The following BARD1 variants were observed in gnomAD, a reference collection of about 807,000 sequenced individuals.
BARD1 encodes the protein BRCA1 associated RING domain 1.
A neutral mutation model predicts 77.0 loss-of-function variants in BARD1; 73 were observed. That is an observed-to-expected ratio of 0.95 (90% CI 0.79 to 1.15). The LOEUF (loss-of-function observed/expected upper bound fraction) is 1.15. Among genes scored for constraint, BARD1 ranks in the 50% most tolerant of loss-of-function variants. The probability of loss-of-function intolerance (pLI) is 0.00; values close to 1 mark genes in which losing one functional copy is unlikely to be tolerated. For missense variants in BARD1, 993 were observed against 938.8 expected, an observed-to-expected ratio of 1.06 and a Z score of -0.75; for synonymous variants, 384 against 338.0, an observed-to-expected ratio of 1.14 and a Z score of -1.49.
intron 4 of BARD1, among the ~76,000 whole-genome samples, chr2:214,776,702 C>G (rs951560940): frequency 6.6e-6 from 1 of 152,096 alleles, no homozygotes; most frequent in Admixed American, 6.6e-5. Flanking sequence ...TGTCCACACA[C>G]GAATAATCCC....
chr2:214,789,630 C>A (rs1393761050), intron 3 of BARD1, among the ~76,000 whole-genome samples: 1 of 151,994 alleles, frequency 6.6e-6, no homozygotes, highest in African/African-American at 2.4e-5. Flanking sequence ...CAACTCAATT[C>A]AACAAACATA....
At chr2:214,791,234 A>G (rs1695497391) in intron 3 of BARD1, among the ~76,000 whole-genome samples, 1 of 152,180 alleles carries the variant, frequency 6.6e-6, no homozygotes, top group Non-Finnish European at 1.5e-5. Flanking sequence ...ATAGGTATAA[A>G]GTGATTTAAG....
In BARD1 at chr2:214,797,061, C is replaced by T. The variant is rs769820924; in HGVS notation, c.215G>A (p.Ser72Asn). ...TATACATCAAACCGTAATTACTTACCTACAGAAGATGTGCTCACATCCTCC... is the reference window on the plus strand; with the variant it reads ...TATACATCAAACCGTAATTACTTACTTACAGAAGATGTGCTCACATCCTCC... ...CLGGCEHIFC[S>N]NCVSDCIGTG... The change falls in exon 2 of 11, where the codon AGT becomes AAT. Residue 72 changes from serine to asparagine, a missense_variant and splice_region_variant. Ser to Asn is a conservative substitution (Grantham distance 46, BLOSUM62 1). Coordinates refer to ENST00000260947, the MANE Select transcript of BARD1 (RefSeq NM_000465.4). 6.2e-7 allele frequency: 1 copy of T among 1,609,588 alleles called. No individual in the cohort carries two copies. The highest frequency in any genetic ancestry group is 8.5e-7 in the Non-Finnish European group (1 of 1,176,050).
At chr2:214,740,545 A>G (rs1692775312) in intron 9 of BARD1, among the ~76,000 whole-genome samples, 1 of 152,010 alleles carries the variant, frequency 6.6e-6, no homozygotes, top group South Asian at 2.1e-4. Flanking sequence ...ATACATTTAT[A>G]TATTGTTGAA....
Position 214,726,775 on chromosome 2 carries a change from T to C in BARD1, c.*1901A>G, listed in dbSNP as rs1692100497. On this transcript the variant is annotated 3_prime_UTR_variant, in exon 11 of 11. Transcript: ENST00000260947. ...AGAGCTTAACACAAACTAACTGCTG[T>C]CAAATATTTAACAAAAGCAAAGATG... The C allele has an allele frequency of 1.3e-5, 3 of 227,584 alleles. No individual in the cohort carries two copies. The highest frequency in any genetic ancestry group is 2.6e-5 in the Non-Finnish European group (3 of 114,532). 14.1% of individuals were successfully genotyped at this position (227,584 alleles called of 1,614,324 possible).
chr2:214,787,212 C>CA (rs1237138586), intron 3 of BARD1, among the ~76,000 whole-genome samples: 2 of 151,690 alleles, frequency 1.3e-5, no homozygotes. Context: ...ATAGCAGCAA[C>CA]ATACTCAACT....
At chr2:214,745,900 T>A (rs1693092609) in intron 7 of BARD1, 46 bp from the exon 8 acceptor site, 1 of 1,603,216 alleles carries the variant, frequency 6.2e-7, no homozygotes, top group Non-Finnish European at 8.5e-7. Context: ...ATTAGACGAC[T>A]AGACAAAGAC....
At chr2:214,754,610 T>C (rs1693609146) in intron 6 of BARD1, among the ~76,000 whole-genome samples, 1 of 152,156 alleles carries the variant, frequency 6.6e-6, no homozygotes, top group Non-Finnish European at 1.5e-5. Context: ...CAGTAAAACA[T>C]GGTCTAAGCC....
At chr2:214,737,477 C>T (rs1193980833) in intron 9 of BARD1, among the ~76,000 whole-genome samples, 1 of 151,966 alleles carries the variant, frequency 6.6e-6, no homozygotes. Context: ...TTACTCAATC[C>T]GACATGCTAA....
At position 214,788,886 on chromosome 2, in the gene BARD1, C is replaced by T. The variant is rs577148672; in HGVS notation, c.364+3411G>A. Among the ~76,000 whole-genome samples, 255 of 152,078 alleles carry T rather than the reference C, an allele frequency of 1.7e-3. 1 individual carries two copies. Among genetic ancestry groups the T allele is most frequent in the African/African-American group, 5.9e-3 (245 of 41,482 alleles). ...ATAATCAATTACCACAAAGGTACTG[C>T]GTAAAATACACTGAATAGACAAACT... On this transcript the variant is annotated intron_variant, in intron 3 of 10. Coordinates refer to ENST00000260947, the MANE Select transcript of BARD1 (RefSeq NM_000465.4).
Position 214,781,008 on chromosome 2 carries a change from G to A in BARD1, c.866C>T (p.Pro289Leu), listed in dbSNP as rs748019195. ...TACTTCATTCCTGCTCTTAGTGTCTGGAGACTCTATTTGCTCAGCCAATGG... is the reference window on the plus strand; with the variant it reads ...TACTTCATTCCTGCTCTTAGTGTCTAGAGACTCTATTTGCTCAGCCAATGG... ...SLPLAEQIES[P>L]DTKSRNEVVT... The change falls in exon 4 of 11, where the codon CCA (proline) becomes CTA (leucine). Residue 289 changes from proline (P) to leucine (L), a missense_variant. Transcript: ENST00000260947. The A allele has an allele frequency of 1.9e-6, 3 of 1,612,922 alleles. No individual in the cohort carries two copies. In the Admixed American group the frequency reaches 5.0e-5, roughly 27 times the overall value.
At chr2:214,749,615 A>T (rs889382793) in intron 7 of BARD1, among the ~76,000 whole-genome samples, 1 of 152,190 alleles carries the variant, frequency 6.6e-6, no homozygotes, top group Non-Finnish European at 1.5e-5. Flanking sequence ...TAAAAGGAAC[A>T]TCAGCAAAGG....
Position 214,739,351 on chromosome 2 carries a change from ATG to A in BARD1, c.1903+5714_1903+5715del, listed in dbSNP as rs568537802. ...TAAACTAAAGATGTTTAAATTAGGG[ATG>A]TGTGTCACTCAAGATAACAGTATGT... On this transcript the variant is annotated intron_variant, in intron 9 of 10. Coordinates refer to ENST00000260947, the MANE Select transcript of BARD1 (RefSeq NM_000465.4). Among the ~76,000 whole-genome samples the A allele has an allele frequency of 2.0e-5, 3 of 152,312 alleles. No individual in the cohort carries two copies. In the East Asian group the frequency reaches 5.8e-4, roughly 29 times the overall value.
At chr2:214,746,800 G>A (rs1357311882) in intron 7 of BARD1, among the ~76,000 whole-genome samples, 2 of 152,028 alleles carry the variant, frequency 1.3e-5, no homozygotes, top group Non-Finnish European at 2.9e-5. Context: ...CATGGGCAAG[G>A]ACTTCATGTC....
intron 3 of BARD1, among the ~76,000 whole-genome samples, chr2:214,787,562 C>T (rs887801575): frequency 5.3e-5 from 8 of 151,862 alleles, no homozygotes; most frequent in Non-Finnish European, 7.4e-5. Flanking sequence ...TGGGTGAATG[C>T]TTCTCAGCAT....
intron 1 of BARD1, among the ~76,000 whole-genome samples, chr2:214,806,909 T>C (rs1032356290): frequency 1.4e-5 from 2 of 146,416 alleles, no homozygotes; most frequent in African/African-American, 5.0e-5. Flanking sequence ...CCATGTGATA[T>C]AAAATTGTAT....
At chr2:214,767,375 A>T in intron 6 of BARD1, 107 bp downstream of exon 6, 1 of 1,091,002 alleles carries the variant, frequency 9.2e-7, no homozygotes. Context: ...TAGTTGTGAA[A>T]GTGAAGAAAG....
intron 1 of BARD1, among the ~76,000 whole-genome samples, 159 bp downstream of exon 1, chr2:214,809,253 T>C (rs947949747): frequency 2.0e-5 from 3 of 152,050 alleles, no homozygotes; most frequent in Non-Finnish European, 4.4e-5. Context: ...GAAGCAGAAG[T>C]TGTTAATACT....
intron 6 of BARD1, among the ~76,000 whole-genome samples, chr2:214,765,838 G>A (rs1288663667): frequency 1.3e-5 from 2 of 152,108 alleles, no homozygotes; most frequent in African/African-American, 4.8e-5. Context: ...TGTGATGAGA[G>A]ATAAAAGAGA....
Sources: gnomAD v4.1 joint callset for allele counts (sites outside exome capture counted in the v4.1 genomes callset) on GRCh38, gnomAD v4.1.1 for gene constraint, MANE v1.5 for transcripts, NCBI Gene and HGNC (gene_info 2026-07-23, HGNC 2026-07-21) for gene names.